Variants in CDKAL1 observed in about 807,000 individuals in gnomAD.
CDKAL1 encodes the protein CDKAL1 threonylcarbamoyladenosine tRNA methylthiotransferase.
In CDKAL1, 32 loss-of-function variants were observed where a neutral mutation model predicts 68.2. The observed-to-expected ratio is 0.47, with a 90% CI of 0.35 to 0.63. The LOEUF (loss-of-function observed/expected upper bound fraction) is 0.63. Ranked by LOEUF, CDKAL1 falls within the 30% of genes least tolerant of loss-of-function variation. CDKAL1 has a pLI of 0.00. For synonymous variants in CDKAL1, 234 were observed against 244.3 expected (o/e 0.96, Z 0.39); for missense variants, 606 against 696.7 (o/e 0.87, Z 1.47).
chr6:21,112,360 T>G (rs1774162699), intron 13 of CDKAL1, among the ~76,000 whole-genome samples: 1 of 152,246 alleles, frequency 6.6e-6, no homozygotes, highest in Non-Finnish European at 1.5e-5. Context: ...AAAGTTCTAT[T>G]TACATCTACA....
intron 13 of CDKAL1, among the ~76,000 whole-genome samples, chr6:21,143,543 T>A (rs993176516): frequency 6.6e-4 from 101 of 152,194 alleles, no homozygotes; most frequent in African/African-American, 2.4e-3. Flanking sequence ...GGTTAGAAAT[T>A]GATATTTTAT....
chr6:20,600,476 G>T (rs1766033613), intron 4 of CDKAL1, among the ~76,000 whole-genome samples: 1 of 151,910 alleles, frequency 6.6e-6, no homozygotes, highest in African/African-American at 2.4e-5. Context: ...AGACGCCTCT[G>T]TATTTGAACA....
At chr6:20,768,128 A>C (rs549216027) in intron 7 of CDKAL1, among the ~76,000 whole-genome samples, 1 of 152,324 alleles carries the variant, frequency 6.6e-6, no homozygotes, top group South Asian at 2.1e-4. Flanking sequence ...CTGAAAAGTC[A>C]GCGCTGTGTT....
At chr6:20,996,742 T>C (rs1767135227) in intron 10 of CDKAL1, among the ~76,000 whole-genome samples, 1 of 152,210 alleles carries the variant, frequency 6.6e-6, no homozygotes, top group African/African-American at 2.4e-5. Flanking sequence ...GAGCACATGC[T>C]GTTGAAAAAA....
At chr6:20,822,314 C>T (rs905225336) in intron 8 of CDKAL1, among the ~76,000 whole-genome samples, 3 of 152,138 alleles carry the variant, frequency 2.0e-5, no homozygotes, top group Non-Finnish European at 4.4e-5. Context: ...ATAGACTTAT[C>T]TTCACCAAAT....
chr6:20,987,282 A>G (rs1352850323), intron 10 of CDKAL1, among the ~76,000 whole-genome samples: 2 of 128,254 alleles, frequency 1.6e-5, no homozygotes, highest in Admixed American at 8.0e-5. Flanking sequence ...TTTTTTTTTG[A>G]GACAGAGACT....
At chr6:20,785,975 C>T (rs1263010724) in intron 8 of CDKAL1, among the ~76,000 whole-genome samples, 3 of 152,122 alleles carry the variant, frequency 2.0e-5, no homozygotes, top group Admixed American at 6.5e-5. Context: ...AATCCCAGCA[C>T]TTTGGGAGGC....
At chr6:20,995,666 C>T (rs750005522) in intron 10 of CDKAL1, among the ~76,000 whole-genome samples, 21 of 152,260 alleles carry the variant, frequency 1.4e-4, no homozygotes, top group Admixed American at 5.2e-4. Context: ...TTTGGTGTTC[C>T]ATTTATAGAG....
intron 8 of CDKAL1, among the ~76,000 whole-genome samples, chr6:20,796,907 T>C (rs1038574282): frequency 6.6e-6 from 1 of 152,100 alleles, no homozygotes; most frequent in African/African-American, 2.4e-5. Flanking sequence ...AAATAAAAAA[T>C]AAGAGGTAAA....
chr6:21,036,539 T>G (rs998416188), intron 11 of CDKAL1, among the ~76,000 whole-genome samples: 1 of 152,198 alleles, frequency 6.6e-6, no homozygotes. Context: ...GATTCAGATA[T>G]TTTCCAAAGT....
intron 5 of CDKAL1, among the ~76,000 whole-genome samples, chr6:20,715,058 G>T (rs777050807): frequency 1.3e-5 from 2 of 152,072 alleles, no homozygotes; most frequent in Non-Finnish European, 2.9e-5. Flanking sequence ...CCTGCCTGTG[G>T]CAAGAGCAGT....
chr6:21,167,003 T>C (rs7768526), intron 13 of CDKAL1, among the ~76,000 whole-genome samples: 1,854 of 152,294 alleles, frequency 0.012, 42 homozygotes, highest in African/African-American at 0.042. Context: ...TCTGGGAGCC[T>C]CAGTTTCCTT....
chr6:20,820,329 A>T (rs1777225398), intron 8 of CDKAL1, among the ~76,000 whole-genome samples: 1 of 152,136 alleles, frequency 6.6e-6, no homozygotes, highest in South Asian at 2.1e-4. Context: ...CACTTAATGA[A>T]CACCTATACT....
chr6:20,688,788 T>C (rs1170344640), intron 5 of CDKAL1, among the ~76,000 whole-genome samples: 4 of 152,244 alleles, frequency 2.6e-5, no homozygotes, highest in African/African-American at 9.6e-5. Flanking sequence ...TTGTCTTTGA[T>C]GCTTTTAGTA....
At chr6:20,942,953 C>CAA (rs70990084) in intron 9 of CDKAL1, among the ~76,000 whole-genome samples, 35,539 of 112,816 alleles carry the variant, frequency 0.32, 5,904 homozygotes, top group East Asian at 0.43. Context: ...GATTCTGTCT[C>CAA]AAAAAAAAAA....
intron 11 of CDKAL1, among the ~76,000 whole-genome samples, chr6:21,043,605 G>C (rs914018517): frequency 2.6e-5 from 4 of 152,146 alleles, no homozygotes; most frequent in Non-Finnish European, 5.9e-5. Flanking sequence ...GCACTTTTAT[G>C]GCTCTGAAAG....
intron 12 of CDKAL1, among the ~76,000 whole-genome samples, chr6:21,072,227 C>A (rs896218703): frequency 3.3e-5 from 5 of 152,194 alleles, no homozygotes; most frequent in African/African-American, 1.2e-4. Context: ...GCTGTTCAGC[C>A]TCCCAGGCAC....
At chr6:20,921,014 A>AT (rs751954026) in intron 9 of CDKAL1, among the ~76,000 whole-genome samples, 66 of 151,916 alleles carry the variant, frequency 4.3e-4, no homozygotes, top group Admixed American at 2.5e-3. Context: ...TTTATATTAG[A>AT]TAAAAAAAGC....
intron 13 of CDKAL1, among the ~76,000 whole-genome samples, chr6:21,186,007 CAAT>C (rs1777994428): frequency 6.9e-6 from 1 of 144,406 alleles, no homozygotes; most frequent in Admixed American, 7.1e-5. Flanking sequence ...AATGCCTGGC[CAAT>C]AATGCAGAAG....
Sources: gnomAD v4.1 joint callset for allele counts (sites outside exome capture counted in the v4.1 genomes callset) on GRCh38, gnomAD v4.1.1 for gene constraint, MANE v1.5 for transcripts, NCBI Gene and HGNC (gene_info 2026-07-23, HGNC 2026-07-21) for gene names.